SZT2: variants seen among roughly 807,000 people sequenced by gnomAD.
The protein encoded by SZT2 is SZT2 subunit of KICSTOR complex, also known as KICSTOR complex protein SZT2.
Under a neutral mutation model 404.2 loss-of-function variants are expected in SZT2, and 216 were observed. The observed-to-expected ratio is 0.53, with a 90% CI of 0.48 to 0.60. SZT2 has a LOEUF of 0.60. Ranked by LOEUF, SZT2 falls within the 20% of genes least tolerant of loss-of-function variation. The pLI is 0.00. For synonymous variants in SZT2, 1,693 were observed against 1,749.9 expected (o/e 0.97, Z 0.81); for missense variants, 3,857 against 4,459.2 (o/e 0.86, Z 3.85).
chr1:43,422,464 A>T lies in SZT2; in HGVS notation c.1770-16A>T. 1 of 1,565,528 alleles carries T rather than the reference A, an allele frequency of 6.4e-7. No individual in the cohort carries two copies. Among genetic ancestry groups the T allele is most frequent in the South Asian group, 1.2e-5 (1 of 85,368 alleles). On this transcript the variant is annotated splice_polypyrimidine_tract_variant and intron_variant, in intron 12 of 71. Transcript: ENST00000634258. Reference sequence around the variant, plus strand: ...GGGCCTGGAGGTCTAACCTCAGTCCACACCCCTCTTCCTAGACCAATCCCC... The same window carrying T: ...GGGCCTGGAGGTCTAACCTCAGTCCTCACCCCTCTTCCTAGACCAATCCCC...
intron 1 of SZT2, among the ~76,000 whole-genome samples, chr1:43,393,177 A>G (rs1473646615): frequency 6.6e-6 from 1 of 152,242 alleles, no homozygotes; most frequent in Non-Finnish European, 1.5e-5. Context: ...GAAGAGGCAG[A>G]GAGCATTGCA....
chr1:43,416,010 C>T lies in SZT2; in HGVS notation c.681C>T (p.Gly227=), dbSNP rs1296535392. ...DSGDLLGRKV[G]VSMVTADLGL... ...GGGACCTACTGGGCCGGAAGGTAGG[C>T]GTCTCCATGGTGACAGCTGATCTTG... The change falls in exon 6 of 72, where the codon GGC becomes GGT. Residue 227 remains glycine, a synonymous_variant. Transcript: ENST00000634258. 1.3e-6 allele frequency: 2 copies of T among 1,598,196 alleles called. No individual in the cohort carries two copies. The highest frequency in any genetic ancestry group is 1.7e-6 in the Non-Finnish European group (2 of 1,179,710).
chr1:43,446,751 T>G (rs903774811), intron 65 of SZT2: 2 of 637,986 alleles, frequency 3.1e-6, no homozygotes, highest in African/African-American at 1.8e-5. Context: ...GGCCCTAGTT[T>G]CATGGAGATA....
At chr1:43,430,413 T>C (rs1468239967) in intron 31 of SZT2, 24 bp downstream of exon 31, 2 of 1,603,738 alleles carry the variant, frequency 1.2e-6, no homozygotes, top group South Asian at 2.2e-5. Context: ...TGAGTCAAGG[T>C]GGGGAAGGCT....
Position 43,441,242 on chromosome 1 carries a change from C to G in SZT2, c.7373C>G (p.Ser2458Cys), listed in dbSNP as rs371109647. The G allele has an allele frequency of 5.6e-6, 9 of 1,614,126 alleles. No homozygotes were observed. The African/African-American group carries it at 8.0e-5, about 14-fold the overall frequency. The change falls in exon 53 of 72, where the codon TCC (serine) becomes TGC (cysteine). Residue 2458 changes from serine (S) to cysteine (C), a missense_variant. Transcript: ENST00000634258. The surrounding 1 kb of genome is among the most constrained non-coding windows in gnomAD (Gnocchi z 4.8). ...AAAACAGAATGTGGGGATTTGGGTT[C>G]CCCCAAAACAACTGATGACATTGTC... ...LSKTECGDLGSPKTTDDIVLD... is the reference protein window; with the variant it reads ...LSKTECGDLGCPKTTDDIVLD...
chr1:43,428,084 G>A lies in SZT2; in HGVS notation c.3885G>A (p.Leu1295=). The stretch of plus-strand genomic sequence containing the variant: ...AGGAGGCAGCTAACCACTGTGCCCT[G>A]CTGCAGGAGCATGCACAGCGGTGCT... ...RYKEAANHCA[L]LQEHAQRCYV... is the part of the protein sequence containing the mutation. The change falls in exon 27 of 72, where the codon CTG becomes CTA. Residue 1295 remains leucine, a synonymous_variant. Transcript: ENST00000634258. The A allele has an allele frequency of 1.2e-6, 2 of 1,614,208 alleles. No homozygotes were observed. The highest frequency in any genetic ancestry group is 1.1e-5 in the South Asian group (1 of 91,086).
Position 43,437,407 on chromosome 1 carries a change from C to T in SZT2, c.6189C>T (p.Ala2063=). ...CCTGAGCCCATGTTATTCCCCCAGC[C>T]ATCCAGGCCCTGCGCTCTGTGCTCA... The part of the protein sequence containing the change: ...KMGPSMGVSR[A]IQALRSVLNA... Residue 2063 remains alanine, a splice_region_variant and synonymous_variant, in exon 44 of 72, where the codon GCC becomes GCT. Coordinates refer to ENST00000634258, the MANE Select transcript of SZT2 (RefSeq NM_001365999.1). The surrounding 1 kb of genome is among the most constrained non-coding windows in gnomAD (Gnocchi z 5.3). The T allele has an allele frequency of 1.9e-6, 3 of 1,614,128 alleles. No individual in the cohort carries two copies. Among genetic ancestry groups the T allele is most frequent in the Non-Finnish European group, 2.5e-6 (3 of 1,180,012 alleles).
At chr1:43,434,542 T>G in intron 41 of SZT2, 57 bp downstream of exon 41, 8 of 1,427,492 alleles carry the variant, frequency 5.6e-6, no homozygotes, top group African/African-American at 1.4e-5. Flanking sequence ...ACCAAATTTC[T>G]AAGAACTTGA....
intron 63 of SZT2, 75 bp downstream of exon 63, chr1:43,446,059 GATGT>G: frequency 1.3e-6 from 2 of 1,584,508 alleles, no homozygotes; most frequent in Non-Finnish European, 1.7e-6. Context: ...GACCCTGAGT[GATGT>G]ACCGAGGTCA....
Position 43,429,992 on chromosome 1 carries a change from C to CAGA in SZT2, c.4309-19_4309-18insAGA. ...GAGGGGTGACTGACATTCTAACCTCCTTCTAAACCCCACAACAGGAGAAGT... is the reference window on the plus strand; with the variant it reads ...GAGGGGTGACTGACATTCTAACCTCCAGATTCTAAACCCCACAACAGGAGAAGT... On this transcript the variant is annotated intron_variant, in intron 29 of 71. Transcript: ENST00000634258. 6.8e-6 allele frequency: 11 copies of CAGA among 1,614,080 alleles called. No homozygotes were observed. Among genetic ancestry groups the CAGA allele is most frequent in the Non-Finnish European group, 9.3e-6 (11 of 1,179,966 alleles).
chr1:43,437,281 C>T lies in SZT2; in HGVS notation c.6145C>T (p.His2049Tyr), dbSNP rs566289796. 2.5e-6 allele frequency: 4 copies of T among 1,614,070 alleles called. No individual in the cohort carries two copies. In the Admixed American group the frequency reaches 5.0e-5, roughly 20 times the overall value. ...DVVWGTVIRV[H>Y]SRLKMGPSMG... is the part of the protein sequence containing the mutation. The stretch of plus-strand genomic sequence containing the variant: ...TGTGTGGGGAACTGTGATCCGAGTC[C>T]ATTCACGCCTCAAAATGGGGCCCAG... Residue 2049 changes from histidine (H) to tyrosine (Y), a missense_variant, in exon 43 of 72, where the codon CAT becomes TAT. Physicochemically the swap from His to Tyr is moderately conservative, Grantham distance 83. Around this residue, in one of 7 missense-constraint regions of SZT2, gnomAD observed 261 missense variants for 372.9 expected, o/e 0.70. Coordinates refer to ENST00000634258, the MANE Select transcript of SZT2 (RefSeq NM_001365999.1). This position sits in a 1 kb window ranked among gnomAD's most constrained non-coding sequence, Gnocchi z 5.3.
chr1:43,409,419 T>C, intron 4 of SZT2: 1 of 353,266 alleles, frequency 2.8e-6, no homozygotes, highest in Admixed American at 4.0e-5. Flanking sequence ...AAGGTCTACC[T>C]AGAATAGTCA....
At chr1:43,428,728 C>T (rs2153933588) in intron 28 of SZT2, 1 of 543,666 alleles carries the variant, frequency 1.8e-6, no homozygotes, top group Non-Finnish European at 3.3e-6. Context: ...TGAGCTGAGT[C>T]AGGGATAGGG....
chr1:43,452,662 CTG>C lies in SZT2; in HGVS notation c.*2184_*2185del. 1 of 601,012 alleles carries C rather than the reference CTG, an allele frequency of 1.7e-6. No homozygotes were observed. The highest frequency in any genetic ancestry group is 3.0e-6 in the Non-Finnish European group (1 of 337,396). The allele number at this position is 601,012 out of a possible 1,614,324, so 37.2% of individuals were successfully genotyped here. ...TGCCCTTCTCAGGTATTCCATGCTG[CTG>C]TCTCTACTTCCTCTCCTCGCATCTA... On this transcript the variant is annotated 3_prime_UTR_variant, in exon 72 of 72. Transcript: ENST00000634258.
rs766294629 is a variant in SZT2 at position 43,446,201 on chromosome 1, C to T, written c.8939C>T (p.Thr2980Ile). ...SPKSTSSPVT[T>I]YHLQRALPGG... ...CAGAGCACTAGCTCTCCGGTAACCA[C>T]CTACCACCTGCAGCGGGCACTGCCT... The change falls in exon 64 of 72, where the codon ACC becomes ATC. Residue 2980 changes from threonine to isoleucine, a missense_variant. By Grantham distance (89) the Thr-to-Ile change is moderately conservative. Around this residue, in one of 7 missense-constraint regions of SZT2, gnomAD observed 717 missense variants for 868.2 expected, o/e 0.83. Coordinates refer to ENST00000634258, the MANE Select transcript of SZT2 (RefSeq NM_001365999.1). 26 of 1,614,140 alleles carry T rather than the reference C, an allele frequency of 1.6e-5. No homozygotes were observed. The highest frequency in any genetic ancestry group is 3.3e-4 in the Middle Eastern group (2 of 6,084).
At position 43,424,290 on chromosome 1, in the gene SZT2, G is replaced by A; in HGVS notation, c.2329G>A (p.Val777Met). 6.3e-7 allele frequency: 1 copy of A among 1,597,978 alleles called. No individual in the cohort carries two copies. The highest frequency in any genetic ancestry group is 8.5e-7 in the Non-Finnish European group (1 of 1,179,550). Residue 777 changes from valine (V) to methionine (M), a missense_variant, in exon 16 of 72, where the codon GTG (valine) becomes ATG (methionine). Physicochemically the swap from Val to Met is conservative, Grantham distance 21. Around this residue, in one of 7 missense-constraint regions of SZT2, gnomAD observed 1,725 missense variants for 1,881.0 expected, o/e 0.92. Transcript: ENST00000634258. The surrounding 1 kb of genome is among the most constrained non-coding windows in gnomAD (Gnocchi z 4.1). ...GGAGCCACCAGGTCCACTGCCCTTG[G>A]TGTCAGGCCGCTCAGCCTCTTCTAG... The part of the protein sequence containing the change: ...TLEPPGPLPL[V>M]SGRSASSSLA...
Position 43,403,238 on chromosome 1 carries a change from T to C in SZT2, c.89T>C (p.Val30Ala). The C allele has an allele frequency of 6.2e-7, 1 of 1,614,170 alleles. No homozygotes were observed. Among genetic ancestry groups the C allele is most frequent in the East Asian group, 2.2e-5 (1 of 44,882 alleles). The change falls in exon 2 of 72, where the codon GTT (valine) becomes GCT (alanine). Residue 30 changes from valine (V) to alanine (A), a missense_variant. Around this residue, in one of 7 missense-constraint regions of SZT2, gnomAD observed 536 missense variants for 637.4 expected, o/e 0.84. Coordinates refer to ENST00000634258, the MANE Select transcript of SZT2 (RefSeq NM_001365999.1). ...AAGGATTATCGAATCTCCCGAAATGTTCGCCTGGCTTGGTTCCTCAGTCAT... is the reference window on the plus strand; with the variant it reads ...AAGGATTATCGAATCTCCCGAAATGCTCGCCTGGCTTGGTTCCTCAGTCAT... Reference protein sequence around the residue: ...MKKDYRISRNVRLAWFLSHLH... With the variant: ...MKKDYRISRNARLAWFLSHLH...
rs1655093973 is a variant in SZT2, at chr1:43,441,846, G to A, written c.7742+28G>A. On this transcript the variant is annotated intron_variant, in intron 55 of 71. Transcript: ENST00000634258. The surrounding 1 kb of genome is among the most constrained non-coding windows in gnomAD (Gnocchi z 4.8). ...GAGTGTAGATCCTATAGAATTGAAG[G>A]GAACTCCCCTAGACTTCCTAAAAGC... 1 of 1,581,164 alleles carries A rather than the reference G, an allele frequency of 6.3e-7. No homozygotes were observed. Among genetic ancestry groups the A allele is most frequent in the Non-Finnish European group, 8.6e-7 (1 of 1,162,208 alleles).
rs1655999850 is a variant in SZT2, at chr1:43,448,689, T to C, written c.10047T>C (p.Cys3349=). 1.2e-6 allele frequency: 2 copies of C among 1,614,184 alleles called. No individual in the cohort carries two copies. The highest frequency in any genetic ancestry group is 8.5e-7 in the Non-Finnish European group (1 of 1,180,032). Residue 3349 remains cysteine (C), a synonymous_variant, in exon 70 of 72, where the codon TGT becomes TGC. Transcript: ENST00000634258. This position sits in a 1 kb window ranked among gnomAD's most constrained non-coding sequence, Gnocchi z 4.2. ...KVLLSRFPQS[C]RHFQSPDLGT... is the part of the protein sequence containing the mutation. ...TCCTAAGCCGCTTCCCCCAGAGCTG[T>C]CGCCATTTCCAAAGCCCAGACTTGG...
Sources: gnomAD v4.1 joint callset for allele counts (sites outside exome capture counted in the v4.1 genomes callset) on GRCh38, gnomAD v4.1.1 for gene constraint, gnomAD v4.1.1 regional missense constraint, Gnocchi (gnomAD v3.1) non-coding constraint, MANE v1.5 for transcripts, NCBI Gene and HGNC (gene_info 2026-07-23, HGNC 2026-07-21) for gene names.